The following PLXND1 variants were observed in gnomAD, a reference collection of about 807,000 sequenced individuals.
PLXND1 encodes the protein plexin D1.
In PLXND1, 54 loss-of-function variants were observed where a neutral mutation model predicts 197.7. The ratio of observed to expected loss-of-function variants is 0.27; its 90% CI spans 0.22 to 0.34. The LOEUF is 0.34. Ranked by LOEUF, PLXND1 falls within the 10% of genes least tolerant of loss-of-function variation. The pLI is 1.00. For missense variants in PLXND1, 2,127 were observed against 2,699.2 expected (o/e 0.79, Z 4.70); for synonymous variants, 1,180 against 1,161.2 (o/e 1.02, Z -0.33).
intron 1 of PLXND1, among the ~76,000 whole-genome samples, chr3:129,595,497 A>G (rs2085606910): frequency 6.6e-6 from 1 of 152,236 alleles, no homozygotes; most frequent in Non-Finnish European, 1.5e-5. Flanking sequence ...GCCTAGCACC[A>G]TGGTCAGGAA....
In PLXND1 at chr3:129,561,923, C is replaced by T. The variant is rs941426182; in HGVS notation, c.4826-20G>A. The T allele has an allele frequency of 6.4e-7, 1 of 1,573,372 alleles. No individual in the cohort carries two copies. The highest frequency in any genetic ancestry group is 1.3e-5 in the African/African-American group (1 of 74,074). ...ACCACTCTGGGGGACAAGGGACAGG[C>T]CATCAGGGTCCGGGCAGGGAGCTGG... On this transcript the variant is annotated intron_variant, in intron 27 of 35. Transcript: ENST00000324093.
intron 1 of PLXND1, among the ~76,000 whole-genome samples, chr3:129,602,483 G>A (rs752587675): frequency 7.9e-5 from 12 of 152,170 alleles, no homozygotes; most frequent in East Asian, 1.9e-4. Context: ...TTTGCGGCAC[G>A]CATTGCCCTG....
At position 129,605,768 on chromosome 3, in the gene PLXND1, G is replaced by C. The variant is rs769663537; in HGVS notation, c.872C>G (p.Pro291Arg). The stretch of plus-strand genomic sequence containing the variant: ...CAGGTACGCGTAGGACTGTGCACCC[G>C]GCGGCGGGTCGGACGGGTGCAGGAA... ...SAFLHPSDPPPGAQSYAYLAL... is the reference protein window; with the variant it reads ...SAFLHPSDPPRGAQSYAYLAL... Residue 291 changes from proline to arginine, a missense_variant, in exon 1 of 36, where the codon CCG becomes CGG. By Grantham distance (103) the Pro-to-Arg change is moderately radical. Coordinates refer to ENST00000324093, the MANE Select transcript of PLXND1 (RefSeq NM_015103.3). 1 of 1,570,048 alleles carries C rather than the reference G, an allele frequency of 6.4e-7. No individual in the cohort carries two copies. The highest frequency in any genetic ancestry group is 1.2e-5 in the South Asian group (1 of 86,212).
At chr3:129,566,458 A>C in intron 23 of PLXND1, 69 bp downstream of exon 23, 1 of 926,590 alleles carries the variant, frequency 1.1e-6, no homozygotes, top group Non-Finnish European at 1.8e-6. Flanking sequence ...GATGAACTGG[A>C]AAGGGGACCC....
chr3:129,593,180 G>A (rs887918864), intron 1 of PLXND1, among the ~76,000 whole-genome samples: 3 of 152,028 alleles, frequency 2.0e-5, no homozygotes, highest in Admixed American at 6.6e-5. Context: ...GGCTGTCCTC[G>A]GGATCAAGCC....
rs759218395 is a variant in PLXND1, at chr3:129,589,474, G to A, written c.1365C>T (p.Ser455=). ...GCGTGGCCTTCAGGGGCTGCAGGATGGACAGCGGGTGCTGCAGGTGAGCAG... is the reference window on the plus strand; with the variant it reads ...GCGTGGCCTTCAGGGGCTGCAGGATAGACAGCGGGTGCTGCAGGTGAGCAG... ...CGAAHLQHPL[S]ILQPLKATPV... is the part of the protein sequence containing the mutation. The change falls in exon 2 of 36, where the codon TCC becomes TCT. Residue 455 remains serine (S), a synonymous_variant. Transcript: ENST00000324093. 2 of 1,609,514 alleles carry A rather than the reference G, an allele frequency of 1.2e-6. No individual in the cohort carries two copies. The highest frequency in any genetic ancestry group is 3.4e-5 in the Admixed American group (2 of 59,690).
At chr3:129,573,521 G>T in intron 13 of PLXND1, 73 bp downstream of exon 13, 1 of 1,393,394 alleles carries the variant, frequency 7.2e-7, no homozygotes. Flanking sequence ...AGGATGGGGA[G>T]GGAGGAGTGA....
At chr3:129,572,319 T>C (rs2085246393) in intron 15 of PLXND1, among the ~76,000 whole-genome samples, 1 of 152,208 alleles carries the variant, frequency 6.6e-6, no homozygotes. Flanking sequence ...ACCACACCCC[T>C]GGGCCAGCCA....
rs552033045 is a variant in PLXND1, at chr3:129,571,703, G to A, written c.3219C>T (p.Ala1073=). The A allele has an allele frequency of 8.1e-6, 13 of 1,613,872 alleles. No homozygotes were observed. Among genetic ancestry groups the A allele is most frequent in the Admixed American group, 3.3e-5 (2 of 60,026 alleles). ...TGACAGGGCTGCGGCGGGGACTGAT[G>A]GCCGTGATGACCGGGTTCTGCATGT... is the stretch of plus-strand genomic sequence containing the variant. The part of the protein sequence containing the change: ...FWYMQNPVIT[A]ISPRRSPVSG... The change falls in exon 16 of 36, where the codon GCC becomes GCT. Residue 1073 remains alanine, a synonymous_variant. Coordinates refer to ENST00000324093, the MANE Select transcript of PLXND1 (RefSeq NM_015103.3).
At chr3:129,598,025 G>C (rs1353303058) in intron 1 of PLXND1, among the ~76,000 whole-genome samples, 1 of 152,132 alleles carries the variant, frequency 6.6e-6, no homozygotes, top group Admixed American at 6.5e-5. Flanking sequence ...GCAGCCACAG[G>C]GTCCCTTCCG....
At chr3:129,559,547 A>C in intron 32 of PLXND1, 73 bp downstream of exon 32, 2 of 1,257,392 alleles carry the variant, frequency 1.6e-6, no homozygotes, top group African/African-American at 1.5e-5. Flanking sequence ...AGGCCAGAAG[A>C]CTAGACTCTG....
intron 8 of PLXND1, among the ~76,000 whole-genome samples, chr3:129,582,067 C>G (rs1007151565): frequency 2.0e-5 from 3 of 152,260 alleles, no homozygotes; most frequent in African/African-American, 7.2e-5. Context: ...TATGGTTTCA[C>G]TGCACCGACT....
chr3:129,560,339 G>A lies in PLXND1; in HGVS notation c.5124C>T (p.Leu1708=). Reference sequence around the variant, plus strand: ...CTGAGGCCGGACTCACCTTGGTGGAGAGCAGGCGGGTCAGGTAGATTTCCG... The same window carrying A: ...CTGAGGCCGGACTCACCTTGGTGGAAAGCAGGCGGGTCAGGTAGATTTCCG... ...VLPEIYLTRL[L]STKGTLQKFL... The change falls in exon 31 of 36, where the codon CTC becomes CTT. Residue 1708 remains leucine, a synonymous_variant. Transcript: ENST00000324093. The A allele has an allele frequency of 6.2e-7, 1 of 1,607,544 alleles. No individual in the cohort carries two copies. The highest frequency in any genetic ancestry group is 8.5e-7 in the Non-Finnish European group (1 of 1,173,934).
At chr3:129,587,848 C>A (rs1205208408) in intron 2 of PLXND1, among the ~76,000 whole-genome samples, 4 of 152,258 alleles carry the variant, frequency 2.6e-5, no homozygotes, top group African/African-American at 9.6e-5. Context: ...GCCCAGAAGC[C>A]TCTACACACC....
At position 129,585,979 on chromosome 3, in the gene PLXND1, G is replaced by A. The variant is rs367808121; in HGVS notation, c.1824C>T (p.Ser608=). 50 of 1,613,984 alleles carry A rather than the reference G, an allele frequency of 3.1e-5. No individual in the cohort carries two copies. Among genetic ancestry groups the A allele is most frequent in the South Asian group, 1.6e-4 (15 of 91,080 alleles). The change falls in exon 5 of 36, where the codon TCC becomes TCT. Residue 608 remains serine (S), a synonymous_variant. Transcript: ENST00000324093. ...SRCPAMTVLP[S]EIDVRQEYPG... ...GGTACTCCTGGCGCACATCGATCTC[G>A]GAAGGCAGGACGGTCATGGCAGGAC... is the stretch of plus-strand genomic sequence containing the variant.
At chr3:129,567,228 G>A (rs2085153501) in intron 22 of PLXND1, among the ~76,000 whole-genome samples, 1 of 152,168 alleles carries the variant, frequency 6.6e-6, no homozygotes, top group South Asian at 2.1e-4. Flanking sequence ...AAGGGGAGAG[G>A]CAGGCCCAGC....
At position 129,575,780 on chromosome 3, in the gene PLXND1, A is replaced by G. The variant is rs2085305249; in HGVS notation, c.2422T>C (p.Cys808Arg). ...ACCCCACTCACCACCACCTGGTCAC[A>G]GCGTACAACAGACTCATTCACCCAC... The part of the protein sequence containing the change: ...AVWVNESVVR[C>R]DQVVLHTTRK... Residue 808 changes from cysteine (C) to arginine (R), a missense_variant, in exon 10 of 36, where the codon TGT (cysteine) becomes CGT (arginine). By Grantham distance (180) the Cys-to-Arg change is radical. Around this residue, in one of 6 missense-constraint regions of PLXND1, gnomAD observed 1,095 missense variants for 1,259.8 expected, o/e 0.87. Coordinates refer to ENST00000324093, the MANE Select transcript of PLXND1 (RefSeq NM_015103.3). The G allele has an allele frequency of 1.2e-6, 2 of 1,612,298 alleles. No individual in the cohort carries two copies. The highest frequency in any genetic ancestry group is 1.7e-6 in the Non-Finnish European group (2 of 1,178,590).
chr3:129,571,631 C>G lies in PLXND1; in HGVS notation c.3246-32G>C, dbSNP rs1325170674. The G allele has an allele frequency of 3.7e-6, 6 of 1,613,870 alleles. No homozygotes were observed. In the East Asian group the frequency reaches 1.1e-4, roughly 30 times the overall value. On this transcript the variant is annotated intron_variant, in intron 16 of 35. Transcript: ENST00000324093. ...GGGACAGCAAAACCTATCAGTGCACCTGCAGCCCCAGAGAGCCTGGGGGAA... is the reference window on the plus strand; with the variant it reads ...GGGACAGCAAAACCTATCAGTGCACGTGCAGCCCCAGAGAGCCTGGGGGAA...
chr3:129,556,394 C>T lies in PLXND1; in HGVS notation c.5696G>A (p.Arg1899Gln), dbSNP rs112866492. ...MAALEANPTA[R>Q]RTQLQHKFEQ... ...AAACTTGTGCTGCAGTTGTGTCCTC[C>T]GGGCCGTGGGGTTGGCCTCCAGCGC... Residue 1899 changes from arginine (R) to glutamine (Q), a missense_variant, in exon 36 of 36, where the codon CGG (arginine) becomes CAG (glutamine). By Grantham distance (43) the Arg-to-Gln change is conservative. Coordinates refer to ENST00000324093, the MANE Select transcript of PLXND1 (RefSeq NM_015103.3). 2.5e-5 allele frequency: 40 copies of T among 1,614,042 alleles called. 1 individual carries two copies. The highest frequency in any genetic ancestry group is 1.6e-4 in the Middle Eastern group (1 of 6,084).
Sources: gnomAD v4.1 joint callset for allele counts (sites outside exome capture counted in the v4.1 genomes callset) on GRCh38, gnomAD v4.1.1 for gene constraint, gnomAD v4.1.1 regional missense constraint, MANE v1.5 for transcripts, NCBI Gene and HGNC (gene_info 2026-07-23, HGNC 2026-07-21) for gene names.